The following AFG2A variants were observed in gnomAD, a reference collection of about 807,000 sequenced individuals.
AFG2A encodes ATPase family gene 2 protein homolog A.
At chr4:122,977,789 A>T in the AFG2A span, among the ~76,000 whole-genome samples, 1 of 152,242 alleles carries the variant, frequency 6.6e-6, no homozygotes, top group Non-Finnish European at 1.5e-5. Flanking sequence ...GCAAGAGAAC[A>T]GCTCTCAGGA....
At chr4:123,178,773 T>C in the AFG2A span, among the ~76,000 whole-genome samples, 1 of 152,210 alleles carries the variant, frequency 6.6e-6, no homozygotes, top group African/African-American at 2.4e-5. Flanking sequence ...GCTTGCAACC[T>C]CTTTTAAATC....
the AFG2A span, among the ~76,000 whole-genome samples, chr4:123,050,147 G>A: frequency 6.6e-6 from 1 of 152,020 alleles, no homozygotes; most frequent in Admixed American, 6.6e-5. Flanking sequence ...TTTTGTTGTG[G>A]TGGTTGTGGT....
At chr4:123,223,608 T>C in the AFG2A span, among the ~76,000 whole-genome samples, 1 of 152,050 alleles carries the variant, frequency 6.6e-6, no homozygotes, top group Non-Finnish European at 1.5e-5. Flanking sequence ...CACATACATT[T>C]GAGCAACCAA....
At chr4:122,998,169 T>C in the AFG2A span, among the ~76,000 whole-genome samples, 2 of 151,976 alleles carry the variant, frequency 1.3e-5, no homozygotes, top group Non-Finnish European at 2.9e-5. Flanking sequence ...CAGTATCTTT[T>C]TGTTGTTGTT....
the AFG2A span, among the ~76,000 whole-genome samples, chr4:123,208,123 A>G: frequency 6.6e-6 from 1 of 152,208 alleles, no homozygotes; most frequent in Non-Finnish European, 1.5e-5. Flanking sequence ...CTGGAACTAA[A>G]TCCATGAATA....
At chr4:123,174,014 G>A in the AFG2A span, among the ~76,000 whole-genome samples, 1 of 152,104 alleles carries the variant, frequency 6.6e-6, no homozygotes, top group Non-Finnish European at 1.5e-5. Flanking sequence ...AGAAATGGTG[G>A]AGCAGAAAAG....
chr4:123,180,175 A>C, the AFG2A span, among the ~76,000 whole-genome samples: 2 of 152,176 alleles, frequency 1.3e-5, no homozygotes, highest in African/African-American at 4.8e-5. Flanking sequence ...AGCCACGATC[A>C]TGCCACTGCA....
chr4:123,228,500 A>G, the AFG2A span, among the ~76,000 whole-genome samples: 3 of 152,082 alleles, frequency 2.0e-5, no homozygotes, highest in African/African-American at 7.2e-5. Flanking sequence ...AAAGCAGAAC[A>G]CAAGGAAATG....
chr4:123,066,440 A>C, the AFG2A span, among the ~76,000 whole-genome samples: 14 of 152,282 alleles, frequency 9.2e-5, no homozygotes, highest in Admixed American at 7.8e-4. Context: ...CATCTAGTAC[A>C]ACCTTTTATT....
chr4:123,003,052 A>G, the AFG2A span, among the ~76,000 whole-genome samples: 5 of 152,042 alleles, frequency 3.3e-5, 1 homozygote, highest in South Asian at 4.2e-4. Context: ...CATTTCATTC[A>G]TCTCATCTTC....
the AFG2A span, among the ~76,000 whole-genome samples, chr4:123,082,044 T>C: frequency 1.3e-5 from 2 of 152,220 alleles, no homozygotes; most frequent in Non-Finnish European, 2.9e-5. Context: ...TTATCACATG[T>C]GTCTTTCGTA....
the AFG2A span, chr4:123,256,308 C>T: frequency 3.0e-6 from 3 of 1,001,904 alleles, no homozygotes; most frequent in Admixed American, 2.6e-5. Flanking sequence ...ACAGGAAGTG[C>T]AGTACATGAC....
chr4:123,157,190 AT>A, the AFG2A span, among the ~76,000 whole-genome samples: 145 of 142,978 alleles, frequency 1.0e-3, no homozygotes, highest in Middle Eastern at 3.6e-3. Flanking sequence ...TAATTTTTGT[AT>A]TTTTTTTTTT....
At chr4:123,017,362 T>C in the AFG2A span, among the ~76,000 whole-genome samples, 2 of 150,990 alleles carry the variant, frequency 1.3e-5, no homozygotes, top group East Asian at 1.9e-4. Flanking sequence ...TTGACTTCTT[T>C]TTTTTTTTTT....
the AFG2A span, among the ~76,000 whole-genome samples, chr4:123,070,498 G>A: frequency 6.6e-6 from 1 of 152,128 alleles, no homozygotes; most frequent in African/African-American, 2.4e-5. Context: ...TTGATATCTG[G>A]TGAGGGCTGC....
the AFG2A span, among the ~76,000 whole-genome samples, chr4:123,243,927 T>C: frequency 0.022 from 3,283 of 151,972 alleles, 66 homozygotes; most frequent in Non-Finnish European, 0.035. Context: ...GAGGCTGAGG[T>C]GGGAGGACCG....
chr4:123,133,493 T>TGC, the AFG2A span, among the ~76,000 whole-genome samples: 1 of 151,390 alleles, frequency 6.6e-6, no homozygotes, highest in African/African-American at 2.4e-5. Context: ...CGTGTGCGTG[T>TGC]GTGTGTGTGT....
chr4:123,182,631 C>T, the AFG2A span, among the ~76,000 whole-genome samples: 1 of 152,288 alleles, frequency 6.6e-6, no homozygotes, highest in African/African-American at 2.4e-5. Flanking sequence ...GCATTTGCTC[C>T]ATTCCCTCAG....
chr4:123,202,765 ACT>A, the AFG2A span, among the ~76,000 whole-genome samples: 1 of 151,908 alleles, frequency 6.6e-6, no homozygotes, highest in Non-Finnish European at 1.5e-5. Flanking sequence ...CCACAAGGAA[ACT>A]CTCTTGCGTA....
Sources: gnomAD v4.1 joint callset for allele counts (sites outside exome capture counted in the v4.1 genomes callset) on GRCh38, gnomAD v4.1.1 for gene constraint, MANE v1.5 for transcripts, NCBI Gene and HGNC (gene_info 2026-07-23, HGNC 2026-07-21) for gene names.